INPP5A: variants seen among roughly 807,000 people sequenced by gnomAD.
INPP5A encodes the protein inositol polyphosphate-5-phosphatase A, also known as 43 kDa inositol polyphosphate 5-phophatase.
INPP5A carries 14 observed loss-of-function variants against 65.2 expected under a neutral mutation model. The ratio of observed to expected loss-of-function variants is 0.21; its 90% CI spans 0.14 to 0.34. The LOEUF (loss-of-function observed/expected upper bound fraction) is 0.34. Ranked by LOEUF, INPP5A falls within the 10% of genes least tolerant of loss-of-function variation. The pLI is 1.00. For missense variants in INPP5A, 431 were observed against 545.6 expected, an observed-to-expected ratio of 0.79 and a Z score of 2.09; for synonymous variants, 207 against 208.3, an observed-to-expected ratio of 0.99 and a Z score of 0.05.
chr10:132,770,431 A>G (rs1384374502), intron 12 of INPP5A, among the ~76,000 whole-genome samples: 3 of 152,232 alleles, frequency 2.0e-5, no homozygotes, highest in African/African-American at 4.8e-5. Flanking sequence ...CGCTGAGCGT[A>G]TGGAGGATGG....
In INPP5A at chr10:132,575,651, T is replaced by C. The variant is rs1334729001; in HGVS notation, c.76-32264T>C. Among the ~76,000 whole-genome samples the C allele has an allele frequency of 6.6e-6, 1 of 152,196 alleles. No individual in the cohort carries two copies. The highest frequency in any genetic ancestry group is 2.4e-5 in the African/African-American group (1 of 41,438). Reference sequence around the variant, plus strand: ...TGAAATCCGTAAACAGTGTTTATCTTGGCGAGGAGGAATCCTGCACCAGCT... The same window carrying C: ...TGAAATCCGTAAACAGTGTTTATCTCGGCGAGGAGGAATCCTGCACCAGCT... On this transcript the variant is annotated intron_variant, in intron 1 of 15. Transcript: ENST00000368594. This position sits in a 1 kb window ranked among gnomAD's most constrained non-coding sequence, Gnocchi z 5.4.
chr10:132,747,547 G>A (rs889537824), intron 9 of INPP5A, among the ~76,000 whole-genome samples: 6 of 152,342 alleles, frequency 3.9e-5, no homozygotes, highest in African/African-American at 1.2e-4. Context: ...GCGCATGCCC[G>A]GAACCTGCAC....
chr10:132,612,920 A>G (rs2071978900), intron 2 of INPP5A, among the ~76,000 whole-genome samples: 1 of 152,068 alleles, frequency 6.6e-6, no homozygotes, highest in African/African-American at 2.4e-5. Flanking sequence ...GCTCTGTCCC[A>G]TGGAGCAGGG....
At position 132,599,953 on chromosome 10, in the gene INPP5A, A is replaced by G. The variant is rs566570016; in HGVS notation, c.76-7962A>G. 9.9e-5 allele frequency among the ~76,000 whole-genome samples: 15 copies of G among 152,206 alleles called. No individual in the cohort carries two copies. In the South Asian group the frequency reaches 3.1e-3, roughly 32 times the overall value. On this transcript the variant is annotated intron_variant, in intron 1 of 15. Transcript: ENST00000368594. ...ACCAAGACCCTAGGCTGCACACATC[A>G]TGGGGACCCTGGGCCTGGCCCATGA...
At chr10:132,673,063 C>T (rs188186941) in intron 4 of INPP5A, among the ~76,000 whole-genome samples, 373 of 152,348 alleles carry the variant, frequency 2.4e-3, no homozygotes, top group South Asian at 0.011. Context: ...TCCATGTATA[C>T]TCTTCCTTAG....
intron 1 of INPP5A, among the ~76,000 whole-genome samples, chr10:132,582,112 T>A (rs1407578648): frequency 1.3e-5 from 2 of 152,144 alleles, no homozygotes; most frequent in Non-Finnish European, 2.9e-5. Context: ...GTGATGAGAT[T>A]ACAGGTATGA....
rs1372748974 is a variant in INPP5A, at chr10:132,546,230, G to A, written c.75+8059G>A. Among the ~76,000 whole-genome samples, 1 of 152,234 alleles carries A rather than the reference G, an allele frequency of 6.6e-6. No homozygotes were observed. ...CAGGTCTAGGGTGATGGCGCTCCCA[G>A]CCCGCGGGGGTCTTGGCGTTGGCGC... On this transcript the variant is annotated intron_variant, in intron 1 of 15. Transcript: ENST00000368594. The surrounding 1 kb of genome is among the most constrained non-coding windows in gnomAD (Gnocchi z 5.7).
intron 1 of INPP5A, among the ~76,000 whole-genome samples, chr10:132,598,229 C>T (rs2071732941): frequency 6.6e-6 from 1 of 152,164 alleles, no homozygotes; most frequent in South Asian, 2.1e-4. Flanking sequence ...TTACCTCCAC[C>T]TTTTTAATGC....
chr10:132,595,580 G>C (rs1046163586), intron 1 of INPP5A, among the ~76,000 whole-genome samples: 2 of 152,116 alleles, frequency 1.3e-5, no homozygotes, highest in African/African-American at 4.8e-5. Flanking sequence ...AGTGTTTGTT[G>C]GTGAGTGTGT....
At chr10:132,759,716 C>T (rs1261911818) in intron 11 of INPP5A, among the ~76,000 whole-genome samples, 10 of 152,014 alleles carry the variant, frequency 6.6e-5, no homozygotes, top group Admixed American at 3.3e-4. Context: ...CCCTCCTCAC[C>T]CTGCAGGAGC....
chr10:132,760,882 G>A lies in INPP5A; in HGVS notation c.904-4891G>A, dbSNP rs909693951. Among the ~76,000 whole-genome samples the A allele has an allele frequency of 3.9e-5, 6 of 152,208 alleles. No homozygotes were observed. The East Asian group carries it at 1.2e-3, about 29-fold the overall frequency. ...AGACAGGCCCACCGCCCTGCATCTC[G>A]GGACACAGCAGGCAGTGTTTCCACT... On this transcript the variant is annotated intron_variant, in intron 11 of 15. Transcript: ENST00000368594.
Position 132,782,501 on chromosome 10 carries a change from G to C in INPP5A, c.*472G>C, listed in dbSNP as rs1847184197. The C allele has an allele frequency of 1.1e-5, 2 of 186,774 alleles. No homozygotes were observed. The highest frequency in any genetic ancestry group is 1.1e-4 in the Admixed American group (2 of 18,728). The allele number at this position is 186,774 out of a possible 1,614,324, so 11.6% of individuals were successfully genotyped here. A position where few individuals can be genotyped will look rare whatever the true frequency, so the allele number is the denominator to read the frequency against. On this transcript the variant is annotated 3_prime_UTR_variant, in exon 16 of 16. Coordinates refer to ENST00000368594, the MANE Select transcript of INPP5A (RefSeq NM_005539.5). This position sits in a 1 kb window ranked among gnomAD's most constrained non-coding sequence, Gnocchi z 4.4. ...GGCAGCGTGGCCCTGAGCATGGCAA[G>C]GGGGTCTGTCTCTGCCGATGCTCCT...
At chr10:132,607,891 T>C (rs763305435) in intron 1 of INPP5A, 24 bp from the exon 2 acceptor site, 30 of 1,604,506 alleles carry the variant, frequency 1.9e-5, no homozygotes, top group Non-Finnish European at 2.4e-5. Context: ...CTGACTGGCT[T>C]TTCTTTTTCT....
chr10:132,615,044 T>C (rs960047851), intron 2 of INPP5A, among the ~76,000 whole-genome samples: 2 of 152,192 alleles, frequency 1.3e-5, no homozygotes, highest in Non-Finnish European at 2.9e-5. Context: ...GTTGGGTCAG[T>C]GTGGAGGACC....
intron 1 of INPP5A, among the ~76,000 whole-genome samples, chr10:132,553,733 C>T (rs1405288794): frequency 5.4e-5 from 7 of 130,044 alleles, no homozygotes; most frequent in South Asian, 2.6e-4. Context: ...GATTGGTGAA[C>T]GCCTTCTCAG....
chr10:132,591,635 T>G (rs975420458), intron 1 of INPP5A, among the ~76,000 whole-genome samples: 1 of 152,198 alleles, frequency 6.6e-6, no homozygotes, highest in African/African-American at 2.4e-5. Context: ...CTGGTTGTTG[T>G]TGGTGTCTGT....
chr10:132,775,500 T>C (rs959347269), intron 12 of INPP5A, among the ~76,000 whole-genome samples: 4 of 152,110 alleles, frequency 2.6e-5, no homozygotes, highest in African/African-American at 4.8e-5. Flanking sequence ...ACACTGGCCT[T>C]CCCCAGACCC....
At chr10:132,571,641 C>T (rs1348756993) in intron 1 of INPP5A, among the ~76,000 whole-genome samples, 2 of 152,338 alleles carry the variant, frequency 1.3e-5, no homozygotes, top group Middle Eastern at 6.8e-3. Context: ...TCAGCCCTGA[C>T]GTTTGTGCCG....
At chr10:132,602,586 C>T (rs763069306) in intron 1 of INPP5A, among the ~76,000 whole-genome samples, 12 of 152,170 alleles carry the variant, frequency 7.9e-5, no homozygotes, top group East Asian at 1.9e-4. Context: ...TGAGCCACTG[C>T]GCCCGGCCTT....
Sources: gnomAD v4.1 joint callset for allele counts (sites outside exome capture counted in the v4.1 genomes callset) on GRCh38, gnomAD v4.1.1 for gene constraint, Gnocchi (gnomAD v3.1) non-coding constraint, MANE v1.5 for transcripts, NCBI Gene and HGNC (gene_info 2026-07-23, HGNC 2026-07-21) for gene names.